Variants in CMSS1 observed in about 807,000 individuals in gnomAD.
CMSS1 encodes protein CMSS1.
In CMSS1, 33 loss-of-function variants were observed where a neutral mutation model predicts 43.5. That is an observed-to-expected ratio of 0.76 (90% confidence interval 0.57 to 1.01). CMSS1 has a LOEUF of 1.01. CMSS1 is among the 50% of genes least tolerant of loss of function. CMSS1 has a pLI of 0.00. For missense variants in CMSS1, 313 were observed against 326.4 expected, an observed-to-expected ratio of 0.96 and a Z score of 0.32; for synonymous variants, 115 against 117.2, an observed-to-expected ratio of 0.98 and a Z score of 0.12.
At chr3:99,902,340 A>C (rs1020902054) in intron 1 of CMSS1, among the ~76,000 whole-genome samples, 5 of 152,184 alleles carry the variant, frequency 3.3e-5, no homozygotes, top group African/African-American at 1.2e-4. Flanking sequence ...ATATCTGTTG[A>C]ATTGAACTGA....
intron 1 of CMSS1, among the ~76,000 whole-genome samples, chr3:99,999,980 T>G (rs887356413): frequency 2.0e-5 from 3 of 152,172 alleles, no homozygotes; most frequent in Non-Finnish European, 4.4e-5. Flanking sequence ...TTCTCAGCCC[T>G]GGCTTAAAAA....
intron 1 of CMSS1, among the ~76,000 whole-genome samples, chr3:99,960,048 A>G (rs1318118690): frequency 2.0e-5 from 3 of 152,128 alleles, no homozygotes; most frequent in Admixed American, 1.3e-4. Context: ...TAAATTGTCT[A>G]AAGTGTGTAT....
chr3:100,024,902 A>G (rs1456145910), intron 1 of CMSS1, among the ~76,000 whole-genome samples: 1 of 152,212 alleles, frequency 6.6e-6, no homozygotes, highest in East Asian at 1.9e-4. Flanking sequence ...TCAGGGCACC[A>G]GAGCAGGACT....
At position 99,849,653 on chromosome 3, in the gene CMSS1, T is replaced by C. The variant is rs758684365; in HGVS notation, c.64+31610T>C. The C allele has an allele frequency of 3.3e-5, 53 of 1,613,224 alleles. No individual in the cohort carries two copies. The highest frequency in any genetic ancestry group is 4.3e-5 in the Non-Finnish European group (51 of 1,179,932). On this transcript the variant is annotated intron_variant, in intron 1 of 9. Coordinates refer to ENST00000421999, the MANE Select transcript of CMSS1 (RefSeq NM_032359.4). ...TCCATTTTAACATGTTCTAGCTCTT[T>C]AGATAAAAATTGAGCTTTGTCTCGT... is the stretch of plus-strand genomic sequence containing the variant.
chr3:99,906,506 T>C (rs1706622898), intron 1 of CMSS1, among the ~76,000 whole-genome samples: 1 of 152,224 alleles, frequency 6.6e-6, no homozygotes, highest in South Asian at 2.1e-4. Context: ...TGTATTTTGA[T>C]TAACATAACT....
At chr3:99,889,387 T>C (rs1166951400) in intron 1 of CMSS1, among the ~76,000 whole-genome samples, 4 of 152,120 alleles carry the variant, frequency 2.6e-5, no homozygotes, top group African/African-American at 9.6e-5. Flanking sequence ...TTAACATAGC[T>C]ATATAATCTT....
chr3:99,988,527 A>G lies in CMSS1; in HGVS notation c.65-158446A>G, dbSNP rs4257589. Among the ~76,000 whole-genome samples the G allele has an allele frequency of 5.8e-3, 760 of 130,244 alleles. 14 individuals are homozygous for G. The highest frequency in any genetic ancestry group is 0.018 in the African/African-American group (628 of 35,646). The allele number at this position is 130,244 out of a possible 152,430, so 85.4% of individuals were successfully genotyped here. A position where few individuals can be genotyped will look rare whatever the true frequency, so the allele number is the denominator to read the frequency against. ...ACTCCATCTCAAAAAAAAAAAAAAA[A>G]AAAGAAAGAAAAGGAAAAAAAAAGA... is the stretch of plus-strand genomic sequence containing the variant. On this transcript the variant is annotated intron_variant, in intron 1 of 9. Transcript: ENST00000421999.
intron 1 of CMSS1, among the ~76,000 whole-genome samples, chr3:99,929,266 T>C (rs1707394074): frequency 6.6e-6 from 1 of 152,202 alleles, no homozygotes; most frequent in Non-Finnish European, 1.5e-5. Flanking sequence ...CCTTTGCCGT[T>C]GTAATTGCTA....
At chr3:100,119,857 T>C (rs1387844612) in intron 1 of CMSS1, among the ~76,000 whole-genome samples, 3 of 152,258 alleles carry the variant, frequency 2.0e-5, no homozygotes, top group Non-Finnish European at 2.9e-5. Context: ...AGAGTGGGAT[T>C]ATTTATATGT....
At chr3:100,096,832 T>G (rs2066217756) in intron 1 of CMSS1, among the ~76,000 whole-genome samples, 1 of 152,210 alleles carries the variant, frequency 6.6e-6, no homozygotes. Flanking sequence ...TCCCATGATG[T>G]GATTATTATA....
At chr3:100,054,472 A>G (rs987356150) in intron 1 of CMSS1, among the ~76,000 whole-genome samples, 2 of 144,794 alleles carry the variant, frequency 1.4e-5, no homozygotes, top group African/African-American at 5.1e-5. Flanking sequence ...TGCTTCGTTC[A>G]TTATATTATG....
chr3:99,922,820 G>T (rs1322920203), intron 1 of CMSS1, among the ~76,000 whole-genome samples: 1 of 152,070 alleles, frequency 6.6e-6, no homozygotes, highest in Non-Finnish European at 1.5e-5. Context: ...CTTTTTTGCA[G>T]CCACGCTTCT....
At chr3:100,156,155 C>T (rs942733349) in intron 2 of CMSS1, among the ~76,000 whole-genome samples, 2 of 151,914 alleles carry the variant, frequency 1.3e-5, no homozygotes, top group Non-Finnish European at 2.9e-5. Flanking sequence ...ACAAGGGTCT[C>T]ACTTTGTCAC....
intron 1 of CMSS1, among the ~76,000 whole-genome samples, chr3:100,012,731 G>T (rs937278020): frequency 6.7e-6 from 1 of 149,254 alleles, no homozygotes; most frequent in Non-Finnish European, 1.5e-5. Flanking sequence ...CACTAGTGAT[G>T]GATTGATTTC....
At chr3:100,044,429 G>T (rs1012111680) in intron 1 of CMSS1, among the ~76,000 whole-genome samples, 6 of 152,198 alleles carry the variant, frequency 3.9e-5, no homozygotes, top group African/African-American at 1.2e-4. Flanking sequence ...GTAAGCTGAG[G>T]CTCAAAGAAT....
chr3:100,155,309 C>T (rs956380854), intron 2 of CMSS1, among the ~76,000 whole-genome samples: 1 of 152,226 alleles, frequency 6.6e-6, no homozygotes, highest in East Asian at 1.9e-4. Flanking sequence ...AACCATCCCT[C>T]CTTTCTTATA....
intron 1 of CMSS1, among the ~76,000 whole-genome samples, chr3:99,962,777 G>A (rs1271660688): frequency 6.6e-6 from 1 of 152,160 alleles, no homozygotes; most frequent in African/African-American, 2.4e-5. Flanking sequence ...AAGCTAAGTG[G>A]GAGAGCTAGG....
intron 1 of CMSS1, among the ~76,000 whole-genome samples, chr3:99,846,705 C>T (rs572909330): frequency 1.1e-3 from 173 of 152,292 alleles, no homozygotes; most frequent in African/African-American, 2.4e-3. Flanking sequence ...AACAAATCCT[C>T]GCTTTACTAT....
At chr3:99,835,227 G>T (rs1576495437) in intron 1 of CMSS1, among the ~76,000 whole-genome samples, 1 of 152,134 alleles carries the variant, frequency 6.6e-6, no homozygotes, top group South Asian at 2.1e-4. Flanking sequence ...AATCACCTTT[G>T]ACCCAGAAAA....
Sources: gnomAD v4.1 joint callset for allele counts (sites outside exome capture counted in the v4.1 genomes callset) on GRCh38, gnomAD v4.1.1 for gene constraint, MANE v1.5 for transcripts, NCBI Gene and HGNC (gene_info 2026-07-23, HGNC 2026-07-21) for gene names.